UNC5D: variants seen among roughly 807,000 people sequenced by gnomAD.
The protein encoded by UNC5D is netrin receptor UNC5D.
Under a neutral mutation model 105.4 loss-of-function variants are expected in UNC5D, and 39 were observed. That is an observed-to-expected ratio of 0.37 (90% CI 0.29 to 0.48). The LOEUF (loss-of-function observed/expected upper bound fraction) is 0.48. UNC5D is among the 20% of genes least tolerant of loss of function. UNC5D has a pLI of 0.98. For synonymous variants in UNC5D, 452 were observed against 450.4 expected, an observed-to-expected ratio of 1.00 and a Z score of -0.04; for missense variants, 991 against 1,202.4, an observed-to-expected ratio of 0.82 and a Z score of 2.60.
In UNC5D at chr8:35,790,824, A is replaced by G; in HGVS notation, c.*261A>G. Reference sequence around the variant, plus strand: ...TTAACTCCTCAGATTTGGAGTGGCAAGGATAAAAGTGAGGGCAGAAGTAGC... The same window carrying G: ...TTAACTCCTCAGATTTGGAGTGGCAGGGATAAAAGTGAGGGCAGAAGTAGC... On this transcript the variant is annotated 3_prime_UTR_variant, in exon 17 of 17. Coordinates refer to ENST00000404895, the MANE Select transcript of UNC5D (RefSeq NM_080872.4). 2.0e-6 allele frequency: 1 copy of G among 512,012 alleles called. No homozygotes were observed. Among genetic ancestry groups the G allele is most frequent in the Non-Finnish European group, 3.5e-6 (1 of 285,256 alleles). 31.7% of individuals were successfully genotyped at this position (512,012 alleles called of 1,614,324 possible). A position where few individuals can be genotyped will look rare whatever the true frequency, so the allele number is the denominator to read the frequency against.
intron 1 of UNC5D, among the ~76,000 whole-genome samples, chr8:35,285,126 A>T (rs1256792250): frequency 6.6e-6 from 1 of 152,226 alleles, no homozygotes; most frequent in South Asian, 2.1e-4. Context: ...CACAAATTGT[A>T]TAATCATAAG....
intron 4 of UNC5D, among the ~76,000 whole-genome samples, chr8:35,629,448 A>G (rs887000115): frequency 5.9e-5 from 9 of 152,132 alleles, no homozygotes; most frequent in African/African-American, 2.2e-4. Flanking sequence ...AAAATCAAAT[A>G]CTGCATTTTC....
rs945911919 is a variant in UNC5D at position 35,772,456 on chromosome 8, G to A, written c.2479-1843G>A. ...ACTTATGTGAGCCCGGCTGCTAGCT[G>A]AAAAAGGCCGTCATGGTTGTGGTGC... On this transcript the variant is annotated intron_variant, in intron 15 of 16. Coordinates refer to ENST00000404895, the MANE Select transcript of UNC5D (RefSeq NM_080872.4). Among the ~76,000 whole-genome samples, 28 of 152,162 alleles carry A rather than the reference G, an allele frequency of 1.8e-4. 1 individual carries two copies. The highest frequency in any genetic ancestry group is 6.5e-4 in the African/African-American group (27 of 41,454).
intron 1 of UNC5D, among the ~76,000 whole-genome samples, chr8:35,298,320 T>C (rs1807655014): frequency 6.6e-6 from 1 of 152,150 alleles, no homozygotes; most frequent in Admixed American, 6.6e-5. Context: ...ACTTCACCCC[T>C]AAACTTTGGC....
At chr8:35,544,441 G>C in intron 1 of UNC5D, 1 of 1,613,792 alleles carries the variant, frequency 6.2e-7, no homozygotes. Context: ...ATGTTATCTG[G>C]GGGTGGATGA....
chr8:35,320,301 A>G (rs959531944), intron 1 of UNC5D, among the ~76,000 whole-genome samples: 1 of 152,114 alleles, frequency 6.6e-6, no homozygotes, highest in African/African-American at 2.4e-5. Flanking sequence ...AAGACTCGGA[A>G]TCAGTAGAAG....
intron 13 of UNC5D, among the ~76,000 whole-genome samples, chr8:35,754,457 A>C (rs911734047): frequency 2.0e-5 from 3 of 152,228 alleles, no homozygotes; most frequent in Non-Finnish European, 4.4e-5. Flanking sequence ...GTTAACCAAA[A>C]GGACGCTGGG....
intron 1 of UNC5D, among the ~76,000 whole-genome samples, chr8:35,325,043 A>C (rs1381831645): frequency 1.3e-5 from 2 of 152,166 alleles, no homozygotes; most frequent in African/African-American, 4.8e-5. Flanking sequence ...GAAAGTCCCA[A>C]ATAAAATGGG....
chr8:35,512,569 A>ATATATCTCTCTC (rs539399345), intron 1 of UNC5D, among the ~76,000 whole-genome samples: 2 of 64,840 alleles, frequency 3.1e-5, no homozygotes, highest in Non-Finnish European at 5.2e-5. Flanking sequence ...ATATATATAT[A>ATATATCTCTCTC]TCTGAATAGA....
chr8:35,367,999 C>T (rs1188682981), intron 1 of UNC5D, among the ~76,000 whole-genome samples: 1 of 152,074 alleles, frequency 6.6e-6, no homozygotes, highest in Non-Finnish European at 1.5e-5. Flanking sequence ...TATGCCCATG[C>T]CTACCTTTGT....
intron 15 of UNC5D, among the ~76,000 whole-genome samples, chr8:35,771,028 C>T (rs1430817623): frequency 6.6e-6 from 1 of 152,100 alleles, no homozygotes; most frequent in Non-Finnish European, 1.5e-5. Context: ...TTTTAGAGTG[C>T]ATCATAAATG....
chr8:35,396,120 C>T (rs1804084534), intron 1 of UNC5D, among the ~76,000 whole-genome samples: 1 of 152,120 alleles, frequency 6.6e-6, no homozygotes, highest in Non-Finnish European at 1.5e-5. Context: ...TCTCACATTG[C>T]TCAGCCCCTT....
chr8:35,623,918 A>G (rs1232368272), intron 4 of UNC5D, among the ~76,000 whole-genome samples: 1 of 152,054 alleles, frequency 6.6e-6, no homozygotes, highest in Non-Finnish European at 1.5e-5. Context: ...GTCTCTACTA[A>G]AGATACAAAA....
chr8:35,346,753 G>C (rs1395981896), intron 1 of UNC5D, among the ~76,000 whole-genome samples: 3 of 151,962 alleles, frequency 2.0e-5, no homozygotes, highest in Non-Finnish European at 4.4e-5. Flanking sequence ...ATAGTAGTGT[G>C]TCACTATTAC....
chr8:35,567,203 C>A (rs902672450), intron 2 of UNC5D, among the ~76,000 whole-genome samples: 6 of 152,116 alleles, frequency 3.9e-5, no homozygotes, highest in South Asian at 2.1e-4. Flanking sequence ...GCTATGGGGG[C>A]CTCCCTGGGT....
At chr8:35,364,330 T>G (rs1802002504) in intron 1 of UNC5D, among the ~76,000 whole-genome samples, 1 of 152,220 alleles carries the variant, frequency 6.6e-6, no homozygotes, top group Admixed American at 6.5e-5. Context: ...TGCTGTCATG[T>G]ATTTTGTTGG....
chr8:35,307,527 T>G (rs1055795865), intron 1 of UNC5D, among the ~76,000 whole-genome samples: 1 of 152,158 alleles, frequency 6.6e-6, no homozygotes, highest in African/African-American at 2.4e-5. Flanking sequence ...CTAAAAGTTT[T>G]TCTTTGGTTA....
chr8:35,453,392 A>G (rs1205388804), intron 1 of UNC5D, among the ~76,000 whole-genome samples: 3 of 152,132 alleles, frequency 2.0e-5, no homozygotes, highest in Non-Finnish European at 4.4e-5. Flanking sequence ...ATCCAAGGAC[A>G]TAGTTAACTT....
intron 1 of UNC5D, among the ~76,000 whole-genome samples, chr8:35,333,755 C>T (rs536526973): frequency 3.9e-4 from 59 of 152,166 alleles, no homozygotes; most frequent in Non-Finnish European, 6.9e-4. Flanking sequence ...GCTGGGATTA[C>T]AGGCGTGAGC....
Sources: gnomAD v4.1 joint callset for allele counts (sites outside exome capture counted in the v4.1 genomes callset) on GRCh38, gnomAD v4.1.1 for gene constraint, MANE v1.5 for transcripts, NCBI Gene and HGNC (gene_info 2026-07-23, HGNC 2026-07-21) for gene names.